Variants in DPP10 observed in about 807,000 individuals in gnomAD.
The protein encoded by DPP10 is dipeptidyl peptidase like 10.
DPP10 carries 33 observed loss-of-function variants against 120.9 expected under a neutral mutation model. The ratio of observed to expected loss-of-function variants is 0.27; its 90% CI spans 0.21 to 0.37. The LOEUF (loss-of-function observed/expected upper bound fraction) is 0.37, where lower values mean the gene tolerates loss of function less well. Among genes scored for constraint, DPP10 ranks in the 10% least tolerant of loss-of-function variants. DPP10 has a pLI of 1.00. For missense variants in DPP10, 816 were observed against 942.8 expected, an observed-to-expected ratio of 0.87 and a Z score of 1.76; for synonymous variants, 337 against 326.1, an observed-to-expected ratio of 1.03 and a Z score of -0.36.
chr2:114,465,363 T>C (rs1171569895), intron 1 of DPP10, among the ~76,000 whole-genome samples: 1 of 152,196 alleles, frequency 6.6e-6, no homozygotes, highest in Non-Finnish European at 1.5e-5. Context: ...TTTTTCCCAG[T>C]GGAACTCTTT....
At chr2:115,321,152 T>A (rs2062036807) in intron 2 of DPP10, among the ~76,000 whole-genome samples, 1 of 151,968 alleles carries the variant, frequency 6.6e-6, no homozygotes, top group African/African-American at 2.4e-5. Context: ...ATACAAAAAA[T>A]TAGCTGGGTC....
At chr2:114,659,041 T>C (rs964347503) in intron 1 of DPP10, among the ~76,000 whole-genome samples, 2 of 152,156 alleles carry the variant, frequency 1.3e-5, no homozygotes, top group Non-Finnish European at 2.9e-5. Context: ...CTCTCTCTTC[T>C]CTCTCACGCT....
intron 1 of DPP10, among the ~76,000 whole-genome samples, chr2:115,274,537 C>G (rs10186606): frequency 4.9e-4 from 74 of 152,154 alleles, no homozygotes; most frequent in African/African-American, 1.7e-3. Context: ...GTGTCCCCTG[C>G]CAAAAGTTCT....
intron 1 of DPP10, among the ~76,000 whole-genome samples, chr2:114,911,687 C>A (rs1574470956): frequency 6.6e-6 from 1 of 152,150 alleles, no homozygotes. Flanking sequence ...GCCAAAAGCA[C>A]TATGTGGGAA....
At chr2:115,060,645 C>G (rs1003167989) in intron 1 of DPP10, among the ~76,000 whole-genome samples, 1 of 152,122 alleles carries the variant, frequency 6.6e-6, no homozygotes, top group African/African-American at 2.4e-5. Context: ...GTCAACTTCC[C>G]TATGGTCTAT....
At chr2:115,455,465 A>C (rs1294295765) in intron 3 of DPP10, among the ~76,000 whole-genome samples, 1 of 152,156 alleles carries the variant, frequency 6.6e-6, no homozygotes, top group African/African-American at 2.4e-5. Flanking sequence ...GGAAAAAACT[A>C]TTTTAAATTT....
At chr2:115,138,638 T>C (rs1377359999) in intron 1 of DPP10, among the ~76,000 whole-genome samples, 2 of 152,186 alleles carry the variant, frequency 1.3e-5, no homozygotes, top group East Asian at 1.9e-4. Context: ...TGTATTTCAT[T>C]TGGGAAAATA....
chr2:115,436,985 T>C (rs574712329), intron 3 of DPP10, among the ~76,000 whole-genome samples: 1 of 152,046 alleles, frequency 6.6e-6, no homozygotes, highest in Middle Eastern at 3.4e-3. Context: ...TAAGATACAA[T>C]ATTTCTCAAA....
At chr2:115,293,051 A>C (rs2060724119) in intron 1 of DPP10, among the ~76,000 whole-genome samples, 1 of 152,092 alleles carries the variant, frequency 6.6e-6, no homozygotes, top group African/African-American at 2.4e-5. Flanking sequence ...GTTTATAAGC[A>C]CATTAAATGG....
chr2:114,972,303 T>C (rs1007547963), intron 1 of DPP10, among the ~76,000 whole-genome samples: 4 of 152,198 alleles, frequency 2.6e-5, no homozygotes, highest in African/African-American at 9.6e-5. Flanking sequence ...ATTCAACAGA[T>C]GTTACATTCA....
intron 1 of DPP10, among the ~76,000 whole-genome samples, chr2:115,227,432 T>G (rs1354931828): frequency 6.6e-6 from 1 of 152,284 alleles, no homozygotes; most frequent in African/African-American, 2.4e-5. Flanking sequence ...TGTTGTCAAC[T>G]TCATTGAAAT....
At chr2:114,851,651 T>C (rs1359674584) in intron 1 of DPP10, among the ~76,000 whole-genome samples, 1 of 152,210 alleles carries the variant, frequency 6.6e-6, no homozygotes, top group East Asian at 1.9e-4. Context: ...TAAACAACTA[T>C]TGGGCTTAGT....
chr2:114,857,481 G>T (rs1276440236), intron 1 of DPP10, among the ~76,000 whole-genome samples: 1 of 152,098 alleles, frequency 6.6e-6, no homozygotes, highest in Non-Finnish European at 1.5e-5. Context: ...GCTTAGTCAG[G>T]CTGTCTTCTG....
intron 1 of DPP10, among the ~76,000 whole-genome samples, chr2:114,753,788 A>T (rs1185924712): frequency 6.6e-6 from 1 of 151,312 alleles, no homozygotes; most frequent in Non-Finnish European, 1.5e-5. Context: ...GGGCGACTGT[A>T]CTCCCAGCTG....
chr2:115,608,500 A>G (rs554407732), intron 5 of DPP10, among the ~76,000 whole-genome samples: 1 of 152,328 alleles, frequency 6.6e-6, no homozygotes, highest in South Asian at 2.1e-4. Flanking sequence ...CAAAAGTGGG[A>G]CAAACCAAGA....
chr2:115,692,390 A>G (rs2091367351), intron 7 of DPP10, among the ~76,000 whole-genome samples: 1 of 151,944 alleles, frequency 6.6e-6, no homozygotes, highest in Non-Finnish European at 1.5e-5. Context: ...TCTAAGAGTT[A>G]TATTTTCTTA....
intron 4 of DPP10, among the ~76,000 whole-genome samples, chr2:115,522,035 A>T (rs1359772244): frequency 3.3e-5 from 5 of 152,186 alleles, no homozygotes; most frequent in African/African-American, 9.6e-5. Context: ...TCCAGACAGA[A>T]TCTGGCCCCC....
chr2:115,213,158 A>G (rs1424987505), intron 1 of DPP10, among the ~76,000 whole-genome samples: 1 of 152,210 alleles, frequency 6.6e-6, no homozygotes, highest in Non-Finnish European at 1.5e-5. Context: ...CTGAGGACTC[A>G]CTGGAGATAG....
At chr2:114,499,520 T>C (rs1202184733) in intron 1 of DPP10, among the ~76,000 whole-genome samples, 1 of 152,156 alleles carries the variant, frequency 6.6e-6, no homozygotes, top group Non-Finnish European at 1.5e-5. Flanking sequence ...TCTGCTGTTT[T>C]GGGACTGCGC....
Sources: allele counts gnomAD v4.1 joint callset (sites outside exome capture counted in the v4.1 genomes callset), GRCh38; gene constraint gnomAD v4.1.1; transcripts MANE v1.5; gene names NCBI Gene and HGNC (gene_info 2026-07-23, HGNC 2026-07-21).